The following SLC6A15 variants were observed in gnomAD, a reference collection of about 807,000 sequenced individuals.
SLC6A15 encodes the protein solute carrier family 6 member 15.
SLC6A15 carries 33 observed loss-of-function variants against 68.5 expected under a neutral mutation model. The observed-to-expected ratio is 0.48, with a 90% confidence interval of 0.37 to 0.64. SLC6A15 has a LOEUF of 0.64. SLC6A15 is among the 30% of genes least tolerant of loss of function. The pLI is 0.00. For synonymous variants in SLC6A15, 347 were observed against 301.0 expected (o/e 1.15, Z -1.58); for missense variants, 747 against 874.3 (o/e 0.85, Z 1.84).
chr12:84,888,043 T>A (rs563782178), intron 2 of SLC6A15, among the ~76,000 whole-genome samples: 1 of 150,602 alleles, frequency 6.6e-6, no homozygotes, highest in Non-Finnish European at 1.5e-5. Flanking sequence ...TTGGGCAACA[T>A]GGTGAGACGC....
chr12:84,872,484 G>A (rs190313852), intron 8 of SLC6A15, 118 bp downstream of exon 8: 12 of 641,116 alleles, frequency 1.9e-5, no homozygotes, highest in African/African-American at 3.8e-5. Flanking sequence ...GAGCTTCTCC[G>A]GGCATTTTAA....
chr12:84,911,148 A>G (rs751795094), intron 1 of SLC6A15, among the ~76,000 whole-genome samples: 9 of 152,200 alleles, frequency 5.9e-5, no homozygotes, highest in Non-Finnish European at 1.0e-4. Flanking sequence ...GTGTCTGCAC[A>G]TAATAATTCC....
chr12:84,909,021 T>C (rs941860960), intron 1 of SLC6A15, among the ~76,000 whole-genome samples: 2 of 152,158 alleles, frequency 1.3e-5, no homozygotes, highest in African/African-American at 4.8e-5. Flanking sequence ...CATCTCCATA[T>C]CTGTAGAATA....
In SLC6A15 at chr12:84,870,549, A is replaced by T; in HGVS notation, c.1424T>A (p.Met475Lys). 1 of 1,606,316 alleles carries T rather than the reference A, an allele frequency of 6.2e-7. No individual in the cohort carries two copies. The highest frequency in any genetic ancestry group is 8.5e-7 in the Non-Finnish European group (1 of 1,176,044). The part of the protein sequence containing the change: ...LMLVNLGLGS[M>K]FGTIEGIVTP... Reference sequence around the variant, plus strand: ...GACAATCCCTTCAATGGTTCCAAACATACTGCCAAGGCCTAGATTGACCAG... The same window carrying T: ...GACAATCCCTTCAATGGTTCCAAACTTACTGCCAAGGCCTAGATTGACCAG... The change falls in exon 9 of 12, where the codon ATG becomes AAG. Residue 475 changes from methionine (M) to lysine (K), a missense_variant. Transcript: ENST00000266682.
chr12:84,911,345 A>C (rs1873449873), intron 1 of SLC6A15, among the ~76,000 whole-genome samples: 1 of 152,136 alleles, frequency 6.6e-6, no homozygotes, highest in Non-Finnish European at 1.5e-5. Context: ...GTCTACCTAT[A>C]AGATCTGGAG....
At chr12:84,889,192 T>G (rs1318652085) in intron 2 of SLC6A15, among the ~76,000 whole-genome samples, 4 of 152,132 alleles carry the variant, frequency 2.6e-5, no homozygotes, top group African/African-American at 9.7e-5. Context: ...TCAGGTAATC[T>G]AAGCATAAAA....
At chr12:84,862,060 A>C in intron 11 of SLC6A15, 54 bp from the exon 12 acceptor site, 1 of 1,487,454 alleles carries the variant, frequency 6.7e-7, no homozygotes, top group Non-Finnish European at 9.0e-7. Context: ...TTGCACATAC[A>C]TAAAATATTG....
intron 1 of SLC6A15, among the ~76,000 whole-genome samples, chr12:84,909,654 T>C (rs970093966): frequency 3.3e-5 from 5 of 152,162 alleles, no homozygotes; most frequent in Non-Finnish European, 7.4e-5. Flanking sequence ...CACAGCTGCA[T>C]AAGAATATAC....
At chr12:84,893,746 T>A (rs1872523926) in intron 1 of SLC6A15, among the ~76,000 whole-genome samples, 1 of 152,062 alleles carries the variant, frequency 6.6e-6, no homozygotes. Context: ...GGAAAAAAAA[T>A]TACTTAACTT....
intron 1 of SLC6A15, among the ~76,000 whole-genome samples, chr12:84,905,831 G>T (rs1246694134): frequency 6.6e-6 from 1 of 152,132 alleles, no homozygotes; most frequent in African/African-American, 2.4e-5. Flanking sequence ...CAAGAAAGAA[G>T]AACAGCCAAG....
At position 84,892,975 on chromosome 12, in the gene SLC6A15, T is replaced by C. The variant is rs866707649; in HGVS notation, c.-188-667A>G. Among the ~76,000 whole-genome samples, 3 of 152,234 alleles carry C rather than the reference T, an allele frequency of 2.0e-5. No individual in the cohort carries two copies. The South Asian group carries it at 6.2e-4, about 32-fold the overall frequency. On this transcript the variant is annotated intron_variant, in intron 1 of 11. Transcript: ENST00000266682. The stretch of plus-strand genomic sequence containing the variant: ...CAGCTAATTTTATTTTTCTTTTCTT[T>C]GTAGAGATGAAGTCTCACTATGTTG...
At position 84,872,610 on chromosome 12, in the gene SLC6A15, G is replaced by A. The variant is rs771059885; in HGVS notation, c.1294C>T (p.Leu432=). The A allele has an allele frequency of 6.2e-7, 1 of 1,606,726 alleles. No individual in the cohort carries two copies. Among genetic ancestry groups the A allele is most frequent in the South Asian group, 1.1e-5 (1 of 89,766 alleles). The change falls in exon 8 of 12, where the codon CTA becomes TTA. Residue 432 remains leucine, a synonymous_variant. Transcript: ENST00000266682. The part of the protein sequence containing the change: ...HLNSCKIEEE[L]NKAVQGTGLA... ...AAACATGGCTTACTAACTTTATTTA[G>A]CTCTTCTTCAATTTTACAGGAATTG... is the stretch of plus-strand genomic sequence containing the variant.
At chr12:84,882,136 A>G (rs1871848500) in intron 5 of SLC6A15, 1 of 985,434 alleles carries the variant, frequency 1.0e-6, no homozygotes, top group Non-Finnish European at 1.2e-6. Flanking sequence ...AGAAACAGAA[A>G]CAAAACGTGG....
intron 1 of SLC6A15, among the ~76,000 whole-genome samples, chr12:84,899,505 T>C (rs1456865001): frequency 2.0e-5 from 3 of 152,152 alleles, no homozygotes; most frequent in Non-Finnish European, 4.4e-5. Context: ...GGTTCCTAGT[T>C]TTCAGAACTA....
chr12:84,875,109 T>C (rs1871459132), intron 6 of SLC6A15, among the ~76,000 whole-genome samples: 1 of 152,188 alleles, frequency 6.6e-6, no homozygotes, highest in Non-Finnish European at 1.5e-5. Context: ...TGTTTAGAAT[T>C]TTGTCACAAG....
At chr12:84,887,236 T>G (rs2120652945) in intron 2 of SLC6A15, among the ~76,000 whole-genome samples, 1 of 152,362 alleles carries the variant, frequency 6.6e-6, no homozygotes, top group Admixed American at 6.5e-5. Context: ...AAAGAGCCTT[T>G]TATTATACAT....
At chr12:84,881,421 C>T in intron 5 of SLC6A15, 1 of 982,756 alleles carries the variant, frequency 1.0e-6, no homozygotes, top group Non-Finnish European at 1.2e-6. Flanking sequence ...TTTGGTTTAA[C>T]TATTTGAAGA....
chr12:84,894,659 C>A (rs1039203099), intron 1 of SLC6A15, among the ~76,000 whole-genome samples: 1 of 152,026 alleles, frequency 6.6e-6, no homozygotes, highest in African/African-American at 2.4e-5. Flanking sequence ...AATACACACA[C>A]AAAAATCAAA....
At chr12:84,867,008 G>A in intron 10 of SLC6A15, 26 bp downstream of exon 10, 1 of 1,497,288 alleles carries the variant, frequency 6.7e-7, no homozygotes, top group Non-Finnish European at 8.9e-7. Context: ...GATTAAAAGT[G>A]AATACATAAA....
Sources: gnomAD v4.1 joint callset for allele counts (sites outside exome capture counted in the v4.1 genomes callset) on GRCh38, gnomAD v4.1.1 for gene constraint, MANE v1.5 for transcripts, NCBI Gene and HGNC (gene_info 2026-07-23, HGNC 2026-07-21) for gene names.